PCDHAC1: variants seen among roughly 807,000 people sequenced by gnomAD.
PCDHAC1 encodes protocadherin alpha-C1.
PCDHAC1 carries 42 observed loss-of-function variants against 60.0 expected under a neutral mutation model. The observed-to-expected ratio is 0.70, with a 90% confidence interval of 0.55 to 0.90. PCDHAC1 has a LOEUF of 0.90. Among genes scored for constraint, PCDHAC1 ranks in the 40% least tolerant of loss-of-function variants. The pLI is 0.00. For synonymous variants in PCDHAC1, 468 were observed against 499.3 expected (o/e 0.94, Z 0.84); for missense variants, 1,160 against 1,222.3 (o/e 0.95, Z 0.76).
At chr5:140,980,475 C>G (rs538255137) in intron 2 of PCDHAC1, among the ~76,000 whole-genome samples, 10 of 152,148 alleles carry the variant, frequency 6.6e-5, no homozygotes, top group African/African-American at 2.2e-4. Context: ...ACTAAAAATA[C>G]AAAAATTAGC....
At chr5:140,988,831 A>G (rs1005821454) in intron 3 of PCDHAC1, 6 of 152,208 alleles carry the variant, frequency 3.9e-5, no homozygotes, top group Non-Finnish European at 7.3e-5. Flanking sequence ...AACAGAGATC[A>G]CGTGTCTCCT....
At position 141,009,757 on chromosome 5, in the gene PCDHAC1, A is replaced by G; in HGVS notation, c.2712A>G (p.Pro904=). 6.2e-7 allele frequency: 1 copy of G among 1,614,200 alleles called. No individual in the cohort carries two copies. Among genetic ancestry groups the G allele is most frequent in the Non-Finnish European group, 8.5e-7 (1 of 1,180,036 alleles). Residue 904 remains proline (P), a synonymous_variant, in exon 4 of 4, where the codon CCA becomes CCG. Coordinates refer to ENST00000253807, the MANE Select transcript of PCDHAC1 (RefSeq NM_018898.5). ...AGTTGCCCGACAAATTCATTATCCCAGGATCTCCTGCAATCATCTCCATCC... is the reference window on the plus strand; with the variant it reads ...AGTTGCCCGACAAATTCATTATCCCGGGATCTCCTGCAATCATCTCCATCC... ...PGELPDKFII[P]GSPAIISIRQ... is the part of the protein sequence containing the mutation.
At chr5:141,008,352 A>C (rs549122044) in intron 3 of PCDHAC1, among the ~76,000 whole-genome samples, 2 of 152,322 alleles carry the variant, frequency 1.3e-5, no homozygotes, top group South Asian at 4.1e-4. Flanking sequence ...TTCACGTGTC[A>C]ACCAAAGGAG....
rs185216314 is a variant in PCDHAC1, at chr5:140,968,202, A to G, written c.2434-10747A>G. On this transcript the variant is annotated intron_variant, in intron 1 of 3. Transcript: ENST00000253807. ...GAGGACTCCTATTCCATCTACATACAGGAGAACAATTTGCCAGGTGTGTTG... is the reference window on the plus strand; with the variant it reads ...GAGGACTCCTATTCCATCTACATACGGGAGAACAATTTGCCAGGTGTGTTG... The G allele has an allele frequency of 3.7e-5, 60 of 1,614,044 alleles. 1 individual carries two copies. The East Asian group carries it at 1.1e-3, about 29-fold the overall frequency.
chr5:140,997,711 C>T (rs963457412), intron 3 of PCDHAC1, among the ~76,000 whole-genome samples: 4 of 151,080 alleles, frequency 2.6e-5, no homozygotes. Flanking sequence ...TTAACAAACA[C>T]CTTTCTACGT....
At chr5:140,969,346 AG>A (rs2096322383) in intron 1 of PCDHAC1, 1 of 1,613,510 alleles carries the variant, frequency 6.2e-7, no homozygotes, top group African/African-American at 1.3e-5. Flanking sequence ...GACAGTGGTC[AG>A]GGGGTCTTCT....
At chr5:140,950,997 A>G (rs782438146) in intron 1 of PCDHAC1, among the ~76,000 whole-genome samples, 6 of 151,460 alleles carry the variant, frequency 4.0e-5, no homozygotes, top group Non-Finnish European at 7.4e-5. Flanking sequence ...TTTTAGCTCC[A>G]TTTTTCCCAA....
Position 140,978,960 on chromosome 5 carries a change from C to G in PCDHAC1, c.2445C>G (p.Pro815=), listed in dbSNP as rs560855761. The G allele has an allele frequency of 2.6e-5, 42 of 1,614,120 alleles. No homozygotes were observed. The highest frequency in any genetic ancestry group is 2.5e-4 in the African/African-American group (19 of 75,024). The change falls in exon 2 of 4, where the codon CCC becomes CCG. Residue 815 remains proline, a synonymous_variant. Coordinates refer to ENST00000253807, the MANE Select transcript of PCDHAC1 (RefSeq NM_018898.5). ...TTGTGATTTTGCAGCCACGACAGCC[C>G]AACCCTGACTGGCGTTACTCTGCCT... ...HANVNAMPRQ[P]NPDWRYSASL...
rs75087916 is a variant in PCDHAC1, at chr5:140,963,063, T to G, written c.2434-15886T>G. Among the ~76,000 whole-genome samples, 783 of 152,260 alleles carry G rather than the reference T, an allele frequency of 5.1e-3. 9 individuals carry two copies. Among genetic ancestry groups the G allele is most frequent in the African/African-American group, 0.018 (742 of 41,556 alleles). ...AGAGTCTATAAGGGTTTCTACATTGTGAAGGAGACAGAAATATAAGACATG... is the reference window on the plus strand; with the variant it reads ...AGAGTCTATAAGGGTTTCTACATTGGGAAGGAGACAGAAATATAAGACATG... On this transcript the variant is annotated intron_variant, in intron 1 of 3. Transcript: ENST00000253807.
chr5:140,954,271 A>G (rs1284942355), intron 1 of PCDHAC1, among the ~76,000 whole-genome samples: 2 of 152,140 alleles, frequency 1.3e-5, no homozygotes, highest in South Asian at 2.1e-4. Context: ...TTATAATAGG[A>G]TGATTTATAT....
rs192014288 is a variant in PCDHAC1, at chr5:140,938,120, T to A, written c.2433+8795T>A. Among the ~76,000 whole-genome samples the A allele has an allele frequency of 2.0e-3, 311 of 152,258 alleles. 6 individuals are homozygous for A. In the East Asian group the frequency reaches 0.05, roughly 25 times the overall value. ...GTATTTTTTACTTTCTCTCTTTTTT[T>A]AAAAAAATAGAGATAGAGTCTCACT... On this transcript the variant is annotated intron_variant, in intron 1 of 3. Transcript: ENST00000253807.
Position 140,962,028 on chromosome 5 carries a change from C to A in PCDHAC1, c.2434-16921C>A, listed in dbSNP as rs1046578713. Among the ~76,000 whole-genome samples the A allele has an allele frequency of 5.9e-5, 9 of 152,036 alleles. No individual in the cohort carries two copies. In the South Asian group the frequency reaches 1.7e-3, roughly 28 times the overall value. The stretch of plus-strand genomic sequence containing the variant: ...CTTCCCGAGTAGCTGGGACTACAGG[C>A]ACCCACCACCATGCCTGGCTAATTT... On this transcript the variant is annotated intron_variant, in intron 1 of 3. Transcript: ENST00000253807.
chr5:140,993,539 T>C (rs1433781690), intron 3 of PCDHAC1, among the ~76,000 whole-genome samples: 7 of 128,018 alleles, frequency 5.5e-5, no homozygotes, highest in Non-Finnish European at 1.0e-4. Flanking sequence ...GAGAGAGAGA[T>C]AGAGAAGTGA....
At chr5:140,974,637 G>A (rs1054796505) in intron 1 of PCDHAC1, among the ~76,000 whole-genome samples, 7 of 151,898 alleles carry the variant, frequency 4.6e-5, no homozygotes, top group South Asian at 2.1e-4. Context: ...TCAACCTCCC[G>A]AGTAGCTGAG....
chr5:140,936,981 T>C (rs2153630854), intron 1 of PCDHAC1, among the ~76,000 whole-genome samples: 1 of 152,330 alleles, frequency 6.6e-6, no homozygotes, highest in South Asian at 2.1e-4. Flanking sequence ...ATGAAGCTTG[T>C]TAACATTGAC....
At position 140,978,795 on chromosome 5, in the gene PCDHAC1, G is replaced by A. The variant is rs1437973642; in HGVS notation, c.2434-154G>A. 3 of 979,120 alleles carry A rather than the reference G, an allele frequency of 3.1e-6. No individual in the cohort carries two copies. The African/African-American group carries it at 5.3e-5, about 17-fold the overall frequency. The allele number at this position is 979,120 out of a possible 1,614,324, so 60.7% of individuals were successfully genotyped here. On this transcript the variant is annotated intron_variant, in intron 1 of 3. Coordinates refer to ENST00000253807, the MANE Select transcript of PCDHAC1 (RefSeq NM_018898.5). ...AATTTTCTTCTAAAGTGCTATATAT[G>A]TAGATATCATCATAGAGTTACACAT...
At chr5:140,995,082 C>G (rs145784301) in intron 3 of PCDHAC1, among the ~76,000 whole-genome samples, 5 of 152,334 alleles carry the variant, frequency 3.3e-5, no homozygotes, top group Admixed American at 3.3e-4. Context: ...GCAATCCAAA[C>G]TTATCTGTGG....
chr5:140,943,305 CATT>C (rs1322564942), intron 1 of PCDHAC1, among the ~76,000 whole-genome samples: 13 of 146,998 alleles, frequency 8.8e-5, no homozygotes, highest in African/African-American at 3.0e-4. Flanking sequence ...TTTGGGAAGT[CATT>C]ATTAGCAATA....
At position 140,979,408 on chromosome 5, in the gene PCDHAC1, G is replaced by GT. The variant is rs558051720; in HGVS notation, c.2492+411dup. Among the ~76,000 whole-genome samples the GT allele has an allele frequency of 3.0e-3, 447 of 147,714 alleles. 2 individuals carry two copies. Among genetic ancestry groups the GT allele is most frequent in the East Asian group, 0.02 (102 of 5,050 alleles). On this transcript the variant is annotated intron_variant, in intron 2 of 3. Coordinates refer to ENST00000253807, the MANE Select transcript of PCDHAC1 (RefSeq NM_018898.5). ...TGTATACATACATGTTGTCTACCTT[G>GT]TTTTTTTTTTAATCTCACATTGGCT...
Sources: gnomAD v4.1 joint callset for allele counts (sites outside exome capture counted in the v4.1 genomes callset) on GRCh38, gnomAD v4.1.1 for gene constraint, MANE v1.5 for transcripts, NCBI Gene and HGNC (gene_info 2026-07-23, HGNC 2026-07-21) for gene names.